The following SPDYE5 variants were observed in gnomAD, a reference collection of about 807,000 sequenced individuals.
SPDYE5 encodes the protein speedy/RINGO cell cycle regulator family member E5, also known as speedy protein E5.
SPDYE5 carries 15 observed loss-of-function variants against 48.5 expected under a neutral mutation model. That is an observed-to-expected ratio of 0.31 (90% CI 0.21 to 0.48). The LOEUF is 0.48. SPDYE5 is among the 20% of genes least tolerant of loss of function. SPDYE5 has a pLI of 0.99. For missense variants in SPDYE5, 331 were observed against 549.1 expected, an observed-to-expected ratio of 0.60 and a Z score of 3.97; for synonymous variants, 116 against 200.7, an observed-to-expected ratio of 0.58 and a Z score of 3.57.
intron 1 of SPDYE5, among the ~76,000 whole-genome samples, chr7:75,492,984 T>C (rs1182157818): frequency 2.0e-5 from 3 of 151,972 alleles, no homozygotes; most frequent in African/African-American, 7.3e-5. Context: ...TTTGTTTTTT[T>C]AGAGATGGGC....
chr7:75,496,711 T>C lies in SPDYE5; in HGVS notation c.417T>C (p.Phe139=), dbSNP rs782760602. 3.1e-6 allele frequency: 5 copies of C among 1,595,922 alleles called. No individual in the cohort carries two copies. In the South Asian group the frequency reaches 5.5e-5, roughly 18 times the overall value. Residue 139 remains phenylalanine (F), a synonymous_variant, in exon 4 of 9, where the codon TTT becomes TTC. Coordinates refer to ENST00000625065, the MANE Select transcript of SPDYE5 (RefSeq NM_001306141.4). The part of the protein sequence containing the change: ...GVDPSPPHRS[F]CWKRKMEWWD... ...ATCCCAGCCCCCCGCATAGGTCCTT[T>C]TGCTGGAAAAGGAAGATGGAGTGGT... is the stretch of plus-strand genomic sequence containing the variant.
chr7:75,501,452 C>T lies in SPDYE5; in HGVS notation c.846C>T (p.Pro282=), dbSNP rs1554483428. The change falls in exon 7 of 9, where the codon CCC becomes CCT. Residue 282 remains proline (P), a synonymous_variant. Transcript: ENST00000625065. ...FLYGKNRSRI[P]LLRKRWFQLG... ...ATGGGAAGAACCGCTCTCGCATACC[C>T]TTGCTCCGTAAGCGTTGGTTCCAGT... The T allele has an allele frequency of 1.2e-6, 2 of 1,610,886 alleles. No homozygotes were observed. Among genetic ancestry groups the T allele is most frequent in the East Asian group, 4.5e-5 (2 of 44,828 alleles).
Position 75,504,171 on chromosome 7 carries a change from T to C in SPDYE5, c.*1384T>C, listed in dbSNP as rs1554484026. 2 of 152,186 alleles carry C rather than the reference T, an allele frequency of 1.3e-5. No homozygotes were observed. The highest frequency in any genetic ancestry group is 6.6e-5 in the Admixed American group (1 of 15,254). 9.4% of individuals were successfully genotyped at this position (152,186 alleles called of 1,614,324 possible). A position where few individuals can be genotyped will look rare whatever the true frequency, so the allele number is the denominator to read the frequency against. Reference sequence around the variant, plus strand: ...AGAATTCAGGTGTAATTTTTTACCTTGTTTTGGCATGTTTGTATGTTACTT... The same window carrying C: ...AGAATTCAGGTGTAATTTTTTACCTCGTTTTGGCATGTTTGTATGTTACTT... On this transcript the variant is annotated 3_prime_UTR_variant, in exon 9 of 9. Transcript: ENST00000625065.
rs587734911 is a variant in SPDYE5 at position 75,501,534 on chromosome 7, C to T, written c.928C>T (p.Arg310Cys). 5.5e-5 allele frequency: 83 copies of T among 1,513,146 alleles called. No individual in the cohort carries two copies. Among genetic ancestry groups the T allele is most frequent in the Non-Finnish European group, 6.3e-5 (71 of 1,124,770 alleles). The allele number at this position is 1,513,146 out of a possible 1,614,324, so 93.7% of individuals were successfully genotyped here. A position where few individuals can be genotyped will look rare whatever the true frequency, so the allele number is the denominator to read the frequency against. ...GAAGCGCTCTCGCATACCCTTGCTC[C>T]GTAAGCGTCGGTTCCAGTTAGGCCG... is the stretch of plus-strand genomic sequence containing the variant. ...RKKRSRIPLL[R>C]KRRFQLGRSM... Residue 310 changes from arginine to cysteine, a missense_variant, in exon 7 of 9, where the codon CGT becomes TGT. This residue lies in a region of SPDYE5 where 70 missense variants were observed against 87.6 expected (regional missense o/e 0.80). Coordinates refer to ENST00000625065, the MANE Select transcript of SPDYE5 (RefSeq NM_001306141.4).
intron 3 of SPDYE5, among the ~76,000 whole-genome samples, chr7:75,496,117 C>G (rs371149022): frequency 3.1e-4 from 46 of 148,562 alleles, no homozygotes; most frequent in Non-Finnish European, 4.3e-4. Flanking sequence ...GCAGGGTGCA[C>G]TGGCTCACAC....
At position 75,503,154 on chromosome 7, in the gene SPDYE5, C is replaced by A; in HGVS notation, c.*367C>A. ...GGGGCGGAACCTGGAGGTCCTGTTTCTTATGGACTTGGTTACCACAGTCCA... is the reference window on the plus strand; with the variant it reads ...GGGGCGGAACCTGGAGGTCCTGTTTATTATGGACTTGGTTACCACAGTCCA... On this transcript the variant is annotated 3_prime_UTR_variant, in exon 9 of 9. Transcript: ENST00000625065. The A allele has an allele frequency of 1.2e-5, 5 of 427,042 alleles. No individual in the cohort carries two copies. The highest frequency in any genetic ancestry group is 8.6e-5 in the South Asian group (5 of 58,028). The allele number at this position is 427,042 out of a possible 1,614,324, so 26.5% of individuals were successfully genotyped here.
In SPDYE5 at chr7:75,502,093, C is replaced by T. The variant is rs1339962746; in HGVS notation, c.*45+111C>T. 8 of 1,287,262 alleles carry T rather than the reference C, an allele frequency of 6.2e-6. No individual in the cohort carries two copies. In the African/African-American group the frequency reaches 7.4e-5, roughly 12 times the overall value. The allele number at this position is 1,287,262 out of a possible 1,614,324, so 79.7% of individuals were successfully genotyped here. On this transcript the variant is annotated intron_variant, in intron 8 of 8. Coordinates refer to ENST00000625065, the MANE Select transcript of SPDYE5 (RefSeq NM_001306141.4). ...AGCCTGGGCAACGTGGCGAGATCCC[C>T]TCTCCACAAAAATACAAAAATTAGC...
In SPDYE5 at chr7:75,493,872, T is replaced by G. The variant is rs1792824655; in HGVS notation, c.-176T>G. On this transcript the variant is annotated 5_prime_UTR_variant, in exon 2 of 9. It removes an upstream start codon present in the reference 5' UTR. Coordinates refer to ENST00000625065, the MANE Select transcript of SPDYE5 (RefSeq NM_001306141.4). ...TTTCAAACTGGTTGCCAGGTTGGCA[T>G]GAGCGATGACATCAGAGATTCCGAC... The G allele has an allele frequency of 6.9e-7, 1 of 1,443,762 alleles. No homozygotes were observed. The highest frequency in any genetic ancestry group is 9.1e-7 in the Non-Finnish European group (1 of 1,103,516). The allele number at this position is 1,443,762 out of a possible 1,614,324, so 89.4% of individuals were successfully genotyped here.
intron 5 of SPDYE5, 114 bp downstream of exon 5, chr7:75,498,110 C>CTTTTTTTTTT (rs782698177): frequency 7.6e-6 from 2 of 264,576 alleles, no homozygotes; most frequent in African/African-American, 7.2e-5. Flanking sequence ...CTCCTACAGT[C>CTTTTTTTTTT]TTTTTTTTTT....
chr7:75,503,816 A>T lies in SPDYE5; in HGVS notation c.*1029A>T, dbSNP rs1793233320. On this transcript the variant is annotated 3_prime_UTR_variant, in exon 9 of 9. Transcript: ENST00000625065. Reference sequence around the variant, plus strand: ...ATTTATTAAATATATTTATTTAAATATTATTACTTGAAATATTATTTTAAA... The same window carrying T: ...ATTTATTAAATATATTTATTTAAATTTTATTACTTGAAATATTATTTTAAA... 6.7e-6 allele frequency: 1 copy of T among 150,116 alleles called. No homozygotes were observed. Among genetic ancestry groups the T allele is most frequent in the African/African-American group, 2.4e-5 (1 of 41,160 alleles). 9.3% of individuals were successfully genotyped at this position (150,116 alleles called of 1,614,324 possible).
rs782261903 is a variant in SPDYE5, at chr7:75,501,843, G to C, written c.1150-35G>C. 4 of 1,612,034 alleles carry C rather than the reference G, an allele frequency of 2.5e-6. No homozygotes were observed. The South Asian group carries it at 4.4e-5, about 18-fold the overall frequency. The stretch of plus-strand genomic sequence containing the variant: ...AGGGGAGAGAGGGGTATCCTGGCGA[G>C]TCCCCGTCTTCTCAAAGGGCGTTTG... On this transcript the variant is annotated intron_variant, in intron 7 of 8. Coordinates refer to ENST00000625065, the MANE Select transcript of SPDYE5 (RefSeq NM_001306141.4).
intron 2 of SPDYE5, among the ~76,000 whole-genome samples, 193 bp downstream of exon 2, chr7:75,494,400 G>T (rs1451807261): frequency 6.6e-6 from 1 of 151,306 alleles, no homozygotes; most frequent in Non-Finnish European, 1.5e-5. Flanking sequence ...ATAAAAATTA[G>T]CCAAGTGGTA....
At chr7:75,492,289 G>A (rs1444450189), upstream of SPDYE5, among the ~76,000 whole-genome samples, 5 of 152,132 alleles carry the variant, frequency 3.3e-5, no homozygotes, top group Admixed American at 6.6e-5. Flanking sequence ...TCATGAATGC[G>A]AATTTGAACT....
Position 75,501,762 on chromosome 7 carries a change from G to T in SPDYE5, c.1149+7G>T. The T allele has an allele frequency of 6.2e-7, 1 of 1,610,128 alleles. No individual in the cohort carries two copies. The highest frequency in any genetic ancestry group is 1.1e-5 in the South Asian group (1 of 91,016). The stretch of plus-strand genomic sequence containing the variant: ...CCCGGAGGAGTTGGAGGAGGTAGGT[G>T]GGGCCTGGGGAGGTGGAGGAGGTGG... On this transcript the variant is annotated splice_region_variant and intron_variant, in intron 7 of 8. Transcript: ENST00000625065.
chr7:75,497,027 A>C (rs1792959486), intron 4 of SPDYE5, 123 bp downstream of exon 4: 1 of 686,276 alleles, frequency 1.5e-6, no homozygotes, highest in South Asian at 1.9e-5. Flanking sequence ...ATGTGGGAGG[A>C]ATGTGAAGTG....
chr7:75,495,240 C>T lies in SPDYE5; in HGVS notation c.245C>T (p.Pro82Leu), dbSNP rs587708610. The change falls in exon 3 of 9, where the codon CCG becomes CTG. Residue 82 changes from proline (P) to leucine (L), a missense_variant. Physicochemically the swap from Pro to Leu is moderately conservative, Grantham distance 98 (BLOSUM62 -3). Around this residue, in one of 8 missense-constraint regions of SPDYE5, gnomAD observed 65 missense variants for 138.2 expected, o/e 0.47. Transcript: ENST00000625065. ...TGGTCAGATGAATCTGCGGAGGAGCCGGAGAAGGAGCTCGCCCCTGAACCT... is the reference window on the plus strand; with the variant it reads ...TGGTCAGATGAATCTGCGGAGGAGCTGGAGAAGGAGCTCGCCCCTGAACCT... ...REWSDESAEEPEKELAPEPEE... is the reference protein window; with the variant it reads ...REWSDESAEELEKELAPEPEE... The T allele has an allele frequency of 1.3e-6, 2 of 1,596,798 alleles. No homozygotes were observed. The highest frequency in any genetic ancestry group is 1.1e-5 in the South Asian group (1 of 90,954).
At position 75,492,990 on chromosome 7, in the gene SPDYE5, T is replaced by C. The variant is rs587758245; in HGVS notation, c.-422+549T>C. Among the ~76,000 whole-genome samples the C allele has an allele frequency of 5.9e-5, 9 of 152,132 alleles. No homozygotes were observed. In the South Asian group the frequency reaches 1.9e-3, roughly 32 times the overall value. On this transcript the variant is annotated intron_variant, in intron 1 of 8. Coordinates refer to ENST00000625065, the MANE Select transcript of SPDYE5 (RefSeq NM_001306141.4). ...TGGTTTGGTTTTGTTTTTTTAGAGA[T>C]GGGCTCTTACTATGTTGCCTATACT... is the stretch of plus-strand genomic sequence containing the variant.
rs1792827774 is a variant in SPDYE5 at position 75,493,929 on chromosome 7, G to C, written c.-119G>C. On this transcript the variant is annotated 5_prime_UTR_variant, in exon 2 of 9. Coordinates refer to ENST00000625065, the MANE Select transcript of SPDYE5 (RefSeq NM_001306141.4). ...GATTGGAGGGACCGGACTCCGTGGTGCCTGGAGATCAGTTGGACAACAGTA... is the reference window on the plus strand; with the variant it reads ...GATTGGAGGGACCGGACTCCGTGGTCCCTGGAGATCAGTTGGACAACAGTA... The C allele has an allele frequency of 1.3e-6, 2 of 1,490,830 alleles. No homozygotes were observed. Among genetic ancestry groups the C allele is most frequent in the South Asian group, 2.6e-5 (2 of 77,420 alleles). The allele number at this position is 1,490,830 out of a possible 1,614,324, so 92.4% of individuals were successfully genotyped here. A position where few individuals can be genotyped will look rare whatever the true frequency, so the allele number is the denominator to read the frequency against.
intron 8 of SPDYE5, among the ~76,000 whole-genome samples, chr7:75,502,357 T>C (rs1216523775): frequency 6.6e-6 from 1 of 151,824 alleles, no homozygotes; most frequent in African/African-American, 2.4e-5. Flanking sequence ...AGCTTTGGTT[T>C]ACATCTTGTG....
Sources: allele counts gnomAD v4.1 joint callset (sites outside exome capture counted in the v4.1 genomes callset), GRCh38; gene constraint gnomAD v4.1.1; regional missense constraint gnomAD v4.1.1; transcripts MANE v1.5; gene names NCBI Gene and HGNC (gene_info 2026-07-23, HGNC 2026-07-21).